The following MAST4 variants were observed in gnomAD, a reference collection of about 807,000 sequenced individuals.
The protein encoded by MAST4 is microtubule-associated serine/threonine-protein kinase 4.
In MAST4, 89 loss-of-function variants were observed where a neutral mutation model predicts 162.7. That is an observed-to-expected ratio of 0.55 (90% CI 0.46 to 0.65). The LOEUF (loss-of-function observed/expected upper bound fraction) is 0.65, where lower values mean the gene tolerates loss of function less well. Ranked by LOEUF, MAST4 falls within the 30% of genes least tolerant of loss-of-function variation. The pLI is 0.00. For missense variants in MAST4, 3,153 were observed against 3,374.0 expected (o/e 0.93, Z 1.62); for synonymous variants, 1,479 against 1,361.1 (o/e 1.09, Z -1.91).
intron 3 of MAST4, among the ~76,000 whole-genome samples, chr5:66,860,612 T>G (rs1330548248): frequency 6.6e-6 from 1 of 151,734 alleles, no homozygotes; most frequent in Non-Finnish European, 1.5e-5. Context: ...CTTTTTCGTT[T>G]TTTTTTTCTG....
chr5:66,854,426 T>G (rs1209109128), intron 3 of MAST4, among the ~76,000 whole-genome samples: 1 of 152,210 alleles, frequency 6.6e-6, no homozygotes, highest in East Asian at 1.9e-4. Flanking sequence ...GCAGCTTAGC[T>G]GGGTGATCTG....
chr5:66,674,803 A>G (rs1195147397), intron 1 of MAST4, among the ~76,000 whole-genome samples: 3 of 152,210 alleles, frequency 2.0e-5, no homozygotes, highest in Non-Finnish European at 4.4e-5. Flanking sequence ...TGATTAATCA[A>G]TAGATTCGTA....
intron 1 of MAST4, among the ~76,000 whole-genome samples, chr5:66,715,537 G>A (rs1164202062): frequency 1.5e-5 from 2 of 133,498 alleles, no homozygotes; most frequent in Non-Finnish European, 3.2e-5. Context: ...GGGGGAGGGG[G>A]GAGGTATAGC....
chr5:66,981,323 G>T (rs1482259839), intron 4 of MAST4, among the ~76,000 whole-genome samples: 1 of 152,152 alleles, frequency 6.6e-6, no homozygotes, highest in East Asian at 1.9e-4. Context: ...GAAAGACATT[G>T]GACTATGCAG....
chr5:66,752,341 C>T (rs1753233069), intron 1 of MAST4, among the ~76,000 whole-genome samples: 1 of 150,824 alleles, frequency 6.6e-6, no homozygotes, highest in Admixed American at 6.6e-5. Flanking sequence ...TTAAAAGACA[C>T]AGACTGGCAA....
chr5:66,912,064 C>A (rs966791383), intron 4 of MAST4, among the ~76,000 whole-genome samples: 1 of 152,052 alleles, frequency 6.6e-6, no homozygotes, highest in Admixed American at 6.6e-5. Context: ...CAGAGAGTAT[C>A]TTCTAGATTT....
rs143380129 is a variant in MAST4, at chr5:66,745,438, G to A, written c.364-14271G>A. On this transcript the variant is annotated intron_variant, in intron 1 of 28. Transcript: ENST00000403625. ...GATGGATTTGAAAAGCCCCCAATCA[G>A]AAGGAAAATAATTATAGCATGTGTT... is the stretch of plus-strand genomic sequence containing the variant. Among the ~76,000 whole-genome samples the A allele has an allele frequency of 1.8e-4, 28 of 152,224 alleles. No individual in the cohort carries two copies. The East Asian group carries it at 4.1e-3, about 22-fold the overall frequency.
At chr5:66,891,906 T>C (rs1762387822) in intron 3 of MAST4, among the ~76,000 whole-genome samples, 1 of 152,198 alleles carries the variant, frequency 6.6e-6, no homozygotes, top group South Asian at 2.1e-4. Flanking sequence ...AGGGTAGATG[T>C]ATTGTTTCAG....
At chr5:66,604,901 C>T (rs1742779310) in intron 1 of MAST4, among the ~76,000 whole-genome samples, 2 of 152,150 alleles carry the variant, frequency 1.3e-5, no homozygotes, top group African/African-American at 4.8e-5. Context: ...ACTATTAGGT[C>T]GGTGTACACA....
At chr5:66,962,285 ACT>A (rs1746111475) in intron 4 of MAST4, among the ~76,000 whole-genome samples, 2 of 152,074 alleles carry the variant, frequency 1.3e-5, no homozygotes, top group Non-Finnish European at 2.9e-5. Flanking sequence ...TCTTTAAGAA[ACT>A]CTCTGCACTA....
At chr5:66,959,138 G>A in intron 4 of MAST4, 1 of 752,070 alleles carries the variant, frequency 1.3e-6, no homozygotes, top group Admixed American at 1.8e-5. Context: ...CCTCGAGAGA[G>A]TGTTAGTCCA....
intron 4 of MAST4, among the ~76,000 whole-genome samples, chr5:66,938,028 T>G (rs1742950226): frequency 6.6e-6 from 1 of 152,096 alleles, no homozygotes; most frequent in Non-Finnish European, 1.5e-5. Context: ...TCAGGGCACT[T>G]AGCTGTTATA....
At chr5:66,635,433 G>A (rs1745048757) in intron 1 of MAST4, among the ~76,000 whole-genome samples, 1 of 152,118 alleles carries the variant, frequency 6.6e-6, no homozygotes, top group African/African-American at 2.4e-5. Context: ...ATTATATTTT[G>A]TTTTATTGTT....
At chr5:66,861,133 G>A (rs566569285) in intron 3 of MAST4, among the ~76,000 whole-genome samples, 130 of 152,354 alleles carry the variant, frequency 8.5e-4, no homozygotes, top group Non-Finnish European at 1.5e-3. Flanking sequence ...TTATTTCGGT[G>A]AAGATGGGGG....
At chr5:66,892,658 A>G in intron 3 of MAST4, among the ~76,000 whole-genome samples, 1 of 148,918 alleles carries the variant, frequency 6.7e-6, no homozygotes, top group East Asian at 2.0e-4. Context: ...CCTCTTTATT[A>G]TCAGTACCAG....
At chr5:66,699,746 A>G (rs1361101161) in intron 1 of MAST4, among the ~76,000 whole-genome samples, 1 of 138,104 alleles carries the variant, frequency 7.2e-6, no homozygotes, top group Non-Finnish European at 1.6e-5. Context: ...AACAACACAC[A>G]CCAGGGCCTG....
At chr5:67,098,344 A>G (rs756055509) in intron 7 of MAST4, among the ~76,000 whole-genome samples, 15 of 152,264 alleles carry the variant, frequency 9.9e-5, no homozygotes, top group Non-Finnish European at 1.9e-4. Flanking sequence ...TTGAAACATC[A>G]CAGTTTGCAG....
rs902054276 is a variant in MAST4, at chr5:66,895,189, T to C, written c.643-4762T>C. 2.0e-5 allele frequency among the ~76,000 whole-genome samples: 3 copies of C among 152,320 alleles called. No individual in the cohort carries two copies. In the East Asian group the frequency reaches 5.8e-4, roughly 29 times the overall value. On this transcript the variant is annotated intron_variant, in intron 3 of 28. Coordinates refer to ENST00000403625, the MANE Select transcript of MAST4 (RefSeq NM_001164664.2). Reference sequence around the variant, plus strand: ...ATTGATTGTTTACTTGTCAGTCTCATTCAATTTCTGTTGCTTTCAAGAACC... The same window carrying C: ...ATTGATTGTTTACTTGTCAGTCTCACTCAATTTCTGTTGCTTTCAAGAACC...
intron 26 of MAST4, among the ~76,000 whole-genome samples, chr5:67,156,128 C>T (rs184110562): frequency 6.6e-6 from 1 of 151,736 alleles, no homozygotes; most frequent in African/African-American, 2.4e-5. Flanking sequence ...ATGCCTGCCA[C>T]ACTCTTGTCA....
Sources: gnomAD v4.1 joint callset for allele counts (sites outside exome capture counted in the v4.1 genomes callset) on GRCh38, gnomAD v4.1.1 for gene constraint, MANE v1.5 for transcripts, NCBI Gene and HGNC (gene_info 2026-07-23, HGNC 2026-07-21) for gene names.